The following AHDC1 variants were observed in gnomAD, a reference collection of about 807,000 sequenced individuals.
The protein encoded by AHDC1 is AT-hook DNA binding motif containing 1, also known as transcription factor Gibbin.
In AHDC1, 7 loss-of-function variants were observed where a neutral mutation model predicts 87.9. The observed-to-expected ratio is 0.08, with a 90% CI of 0.05 to 0.15. The LOEUF (loss-of-function observed/expected upper bound fraction) is 0.15. Among genes scored for constraint, AHDC1 ranks in the 10% least tolerant of loss-of-function variants. The pLI, the probability that AHDC1 is intolerant of heterozygous loss-of-function variation, is 1.00. For synonymous variants in AHDC1, 1,051 were observed against 1,006.8 expected, an observed-to-expected ratio of 1.04 and a Z score of -0.83; for missense variants, 1,841 against 2,253.2, an observed-to-expected ratio of 0.82 and a Z score of 3.70.
At chr1:27,567,064 G>A (rs1305152065) in intron 3 of AHDC1, among the ~76,000 whole-genome samples, 1 of 152,114 alleles carries the variant, frequency 6.6e-6, no homozygotes, top group Non-Finnish European at 1.5e-5. Flanking sequence ...GGAGGCTGTG[G>A]AGGGTGCACT....
intron 3 of AHDC1, among the ~76,000 whole-genome samples, chr1:27,570,916 G>A (rs1224400812): frequency 1.3e-5 from 2 of 152,072 alleles, no homozygotes; most frequent in East Asian, 3.9e-4. Flanking sequence ...GCCCTCCTGG[G>A]CAGGAATGTG....
rs575071298 is a variant in AHDC1 at position 27,538,303 on chromosome 1, C to T, written c.*44-3387G>A. On this transcript the variant is annotated intron_variant, in intron 8 of 8. Transcript: ENST00000673934. The stretch of plus-strand genomic sequence containing the variant: ...CTGTAACCCCAGCTACTCGGGAGGC[C>T]GAGGCATGAGAATTGCTTGAACCCA... Among the ~76,000 whole-genome samples, 332 of 148,664 alleles carry T rather than the reference C, an allele frequency of 2.2e-3. 2 individuals carry two copies. Among genetic ancestry groups the T allele is most frequent in the African/African-American group, 8.0e-3 (317 of 39,682 alleles).
intron 8 of AHDC1, among the ~76,000 whole-genome samples, chr1:27,539,729 C>G (rs2018820203): frequency 6.6e-6 from 1 of 152,208 alleles, no homozygotes; most frequent in African/African-American, 2.4e-5. Context: ...CAGGCGTGAG[C>G]CACCGCACCC....
At position 27,547,276 on chromosome 1, in the gene AHDC1, CGCGGTCCAGTCG is replaced by C; in HGVS notation, c.*16_*27del. 1 of 1,514,254 alleles carries C rather than the reference CGCGGTCCAGTCG, an allele frequency of 6.6e-7. No individual in the cohort carries two copies. Among genetic ancestry groups the C allele is most frequent in the Non-Finnish European group, 8.8e-7 (1 of 1,132,238 alleles). 93.8% of individuals were successfully genotyped at this position (1,514,254 alleles called of 1,614,324 possible). ...CCAGACTCACCCAGGAACAAAACCT[CGCGGTCCAGTCG>C]GCACTTCAGTTGGCACTACAGGGAT... On this transcript the variant is annotated 3_prime_UTR_variant, in exon 8 of 9. Coordinates refer to ENST00000673934, the MANE Select transcript of AHDC1 (RefSeq NM_001371928.1). This position sits in a 1 kb window ranked among gnomAD's most constrained non-coding sequence, Gnocchi z 4.9.
At chr1:27,589,190 T>C (rs76650731) in intron 3 of AHDC1, among the ~76,000 whole-genome samples, 2,821 of 152,204 alleles carry the variant, frequency 0.019, 88 homozygotes, top group African/African-American at 0.065. Flanking sequence ...AGGCGCCAGA[T>C]TACCATGTCC....
intron 8 of AHDC1, among the ~76,000 whole-genome samples, chr1:27,541,635 T>TC (rs113969456): frequency 0.029 from 4,430 of 150,446 alleles, 232 homozygotes; most frequent in African/African-American, 0.099. Flanking sequence ...GAGGTTTTTT[T>TC]TTTTTTTTTT....
chr1:27,541,440 T>C (rs1455198352), intron 8 of AHDC1, among the ~76,000 whole-genome samples: 3 of 151,964 alleles, frequency 2.0e-5, no homozygotes, highest in Non-Finnish European at 4.4e-5. Context: ...TGCCTCAGCC[T>C]CCCACGTAGC....
chr1:27,537,953 G>A (rs1178048589), intron 8 of AHDC1, among the ~76,000 whole-genome samples: 1 of 152,190 alleles, frequency 6.6e-6, no homozygotes, highest in Non-Finnish European at 1.5e-5. Context: ...AAAGGAAAAG[G>A]AATATATATT....
chr1:27,585,153 C>G (rs1473496948), intron 3 of AHDC1, among the ~76,000 whole-genome samples: 1 of 149,526 alleles, frequency 6.7e-6, no homozygotes, highest in Non-Finnish European at 1.5e-5. Flanking sequence ...GTCCCAGCTA[C>G]TTGAGAAGAG....
Position 27,551,893 on chromosome 1 carries a change from G to C in AHDC1, c.223C>G (p.Pro75Ala). Residue 75 changes from proline to alanine, a missense_variant, in exon 8 of 9, where the codon CCA (proline) becomes GCA (alanine). Pro to Ala is a conservative substitution (Grantham distance 27). This residue lies in a region of AHDC1 where 142 missense variants were observed against 165.6 expected (regional missense o/e 0.86). Transcript: ENST00000673934. ...PRRDPSTRRP[P>A]VLAKGDDPLP... ...GGGTCGTCCCCCTTGGCAAGGACTG[G>C]TGGGCGCCGGGTGCTGGGGTCCCGG... 1 of 1,601,300 alleles carries C rather than the reference G, an allele frequency of 6.2e-7. No homozygotes were observed. Among genetic ancestry groups the C allele is most frequent in the Non-Finnish European group, 8.5e-7 (1 of 1,172,852 alleles).
chr1:27,552,400 CTT>C (rs750916427), intron 7 of AHDC1: 3,538 of 267,254 alleles, frequency 0.013, no homozygotes, highest in East Asian at 0.02. Context: ...CCCAGTTTCA[CTT>C]TTTTTTTTTT....
At chr1:27,602,828 G>A (rs1006679623) in intron 3 of AHDC1, among the ~76,000 whole-genome samples, 21 of 147,576 alleles carry the variant, frequency 1.4e-4, no homozygotes, top group African/African-American at 4.8e-4. Context: ...CACCCCCTCC[G>A]GGTCATTAGG....
rs2148479940 is a variant in AHDC1 at position 27,593,348 on chromosome 1, C to T, written c.-629+10049G>A. On this transcript the variant is annotated intron_variant, in intron 3 of 8. Transcript: ENST00000673934. This position sits in a 1 kb window ranked among gnomAD's most constrained non-coding sequence, Gnocchi z 4.9. ...AAAATTCCTCCAGCCCAACCTCTCTCCCTCTCTCCCTGCAGTGAATGCCCC... is the reference window on the plus strand; with the variant it reads ...AAAATTCCTCCAGCCCAACCTCTCTTCCTCTCTCCCTGCAGTGAATGCCCC... Among the ~76,000 whole-genome samples the T allele has an allele frequency of 6.6e-6, 1 of 152,348 alleles. No individual in the cohort carries two copies. The highest frequency in any genetic ancestry group is 2.1e-4 in the South Asian group (1 of 4,832).
intron 8 of AHDC1, among the ~76,000 whole-genome samples, chr1:27,546,254 G>A (rs996825426): frequency 6.6e-6 from 1 of 152,144 alleles, no homozygotes; most frequent in African/African-American, 2.4e-5. Context: ...GCTGTATTTC[G>A]GGAGCAGGCT....
rs1442715428 is a variant in AHDC1, at chr1:27,558,954, A to C, written c.-628-71T>G. 1 of 398,442 alleles carries C rather than the reference A, an allele frequency of 2.5e-6. No individual in the cohort carries two copies. The highest frequency in any genetic ancestry group is 4.4e-6 in the Non-Finnish European group (1 of 226,072). 24.7% of individuals were successfully genotyped at this position (398,442 alleles called of 1,614,324 possible). On this transcript the variant is annotated intron_variant, in intron 3 of 8. Coordinates refer to ENST00000673934, the MANE Select transcript of AHDC1 (RefSeq NM_001371928.1). The surrounding 1 kb of genome is among the most constrained non-coding windows in gnomAD (Gnocchi z 5.6). ...GTAAGCCAGCCAGACAGCAGGGTGC[A>C]GGCGGACACTGAGCCAGGAAGCTCT...
rs140199241 is a variant in AHDC1 at position 27,551,329 on chromosome 1, C to G, written c.787G>C (p.Ala263Pro). ...GGCTCGGGCGATGGTGGCTCGAGGG[C>G]CTGGGCCTCTAGCAGCTGGGCCTCT... ...CPEAQLLEAQ[A>P]LEPPSPEPEP... is the part of the protein sequence containing the mutation. The change falls in exon 8 of 9, where the codon GCC (alanine) becomes CCC (proline). Residue 263 changes from alanine to proline, a missense_variant. Ala to Pro is a conservative substitution (Grantham distance 27). Around this residue, in one of 13 missense-constraint regions of AHDC1, gnomAD observed 370 missense variants for 391.5 expected, o/e 0.95. Coordinates refer to ENST00000673934, the MANE Select transcript of AHDC1 (RefSeq NM_001371928.1). The G allele has an allele frequency of 6.2e-7, 1 of 1,612,896 alleles. No homozygotes were observed. The highest frequency in any genetic ancestry group is 8.5e-7 in the Non-Finnish European group (1 of 1,179,844).
chr1:27,550,037 G>A lies in AHDC1; in HGVS notation c.2079C>T (p.Asp693=), dbSNP rs1178835430. 6.2e-7 allele frequency: 1 copy of A among 1,601,654 alleles called. No individual in the cohort carries two copies. The change falls in exon 8 of 9, where the codon GAC becomes GAT. Residue 693 remains aspartate, a synonymous_variant. Transcript: ENST00000673934. ...AAKSARCSFS[D]FFEGIGKKKK... Reference sequence around the variant, plus strand: ...TTTTCTTGCCGATGCCCTCAAAGAAGTCACTGAAGGAGCATCGGGCTGACT... The same window carrying A: ...TTTTCTTGCCGATGCCCTCAAAGAAATCACTGAAGGAGCATCGGGCTGACT...
At position 27,550,735 on chromosome 1, in the gene AHDC1, C is replaced by A. The variant is rs891936611; in HGVS notation, c.1381G>T (p.Val461Phe). The change falls in exon 8 of 9, where the codon GTC becomes TTC. Residue 461 changes from valine (V) to phenylalanine (F), a missense_variant. Val to Phe is a conservative substitution (Grantham distance 50). Around this residue, in one of 13 missense-constraint regions of AHDC1, gnomAD observed 370 missense variants for 391.5 expected, o/e 0.95. Coordinates refer to ENST00000673934, the MANE Select transcript of AHDC1 (RefSeq NM_001371928.1). ...LKPESSQTPV[V>F]STRKGKCRGV... is the part of the protein sequence containing the mutation. ...CGGCACTTGCCTTTGCGGGTAGAGACCACTGGGGTCTGGGAAGATTCCGGC... is the reference window on the plus strand; with the variant it reads ...CGGCACTTGCCTTTGCGGGTAGAGAACACTGGGGTCTGGGAAGATTCCGGC... 4 of 1,589,946 alleles carry A rather than the reference C, an allele frequency of 2.5e-6. No individual in the cohort carries two copies. In the African/African-American group the frequency reaches 5.4e-5, roughly 21 times the overall value.
Position 27,600,635 on chromosome 1 carries a change from AT to A in AHDC1, c.-629+2761del, listed in dbSNP as rs1369416271. On this transcript the variant is annotated intron_variant, in intron 3 of 8. Transcript: ENST00000673934. ...GCTCCAGGCTGATTGGAGAACAACA[AT>A]GTCCCTCTGGGGCTCTGCCAGTCCA... Among the ~76,000 whole-genome samples the A allele has an allele frequency of 2.6e-5, 4 of 152,224 alleles. No individual in the cohort carries two copies. The East Asian group carries it at 7.7e-4, about 29-fold the overall frequency.
Sources: gnomAD v4.1 joint callset for allele counts (sites outside exome capture counted in the v4.1 genomes callset) on GRCh38, gnomAD v4.1.1 for gene constraint, gnomAD v4.1.1 regional missense constraint, Gnocchi (gnomAD v3.1) non-coding constraint, MANE v1.5 for transcripts, NCBI Gene and HGNC (gene_info 2026-07-23, HGNC 2026-07-21) for gene names.